The following PATL1 variants were observed in gnomAD, a reference collection of about 807,000 sequenced individuals.
PATL1 encodes PAT1 homolog 1, processing body mRNA decay factor.
Under a neutral mutation model 100.6 loss-of-function variants are expected in PATL1, and 32 were observed. The observed-to-expected ratio is 0.32, with a 90% CI of 0.24 to 0.43. PATL1 has a LOEUF of 0.43. PATL1 is among the 20% of genes least tolerant of loss of function. The probability of loss-of-function intolerance (pLI) is 1.00; values close to 1 mark genes in which losing one functional copy is unlikely to be tolerated. For missense variants in PATL1, 747 were observed against 949.9 expected, an observed-to-expected ratio of 0.79 and a Z score of 2.81; for synonymous variants, 332 against 330.0, an observed-to-expected ratio of 1.01 and a Z score of -0.07.
chr11:59,653,097 G>GTTTTT, intron 9 of PATL1, 79 bp from the exon 10 acceptor site: 42 of 894,152 alleles, frequency 4.7e-5, no homozygotes, highest in South Asian at 1.5e-4. Context: ...AACCAGGCCA[G>GTTTTT]TTTTTTTTTT....
intron 15 of PATL1, among the ~76,000 whole-genome samples, chr11:59,644,233 TATC>T (rs1483536404): frequency 2.0e-5 from 3 of 152,200 alleles, no homozygotes; most frequent in Non-Finnish European, 2.9e-5. Flanking sequence ...GTTCCTTCTG[TATC>T]ATATCATTTC....
At chr11:59,668,828 G>C in intron 1 of PATL1, 53 bp downstream of exon 1, 5 of 1,151,850 alleles carry the variant, frequency 4.3e-6, no homozygotes, top group South Asian at 4.2e-5. Context: ...GAGAGAGTGA[G>C]GGAGAGGGGC....
At chr11:59,649,199 C>T (rs2134745117) in intron 14 of PATL1, among the ~76,000 whole-genome samples, 1 of 152,326 alleles carries the variant, frequency 6.6e-6, no homozygotes, top group Admixed American at 6.5e-5. Context: ...CCCACTATAT[C>T]TCTAGTGCCT....
intron 2 of PATL1, among the ~76,000 whole-genome samples, chr11:59,662,108 A>T (rs1861634062): frequency 6.6e-6 from 1 of 152,226 alleles, no homozygotes; most frequent in South Asian, 2.1e-4. Context: ...AATACTAGTG[A>T]TCCAAAGAGT....
chr11:59,641,682 G>T (rs901923235), intron 16 of PATL1, among the ~76,000 whole-genome samples: 2 of 151,518 alleles, frequency 1.3e-5, no homozygotes, highest in African/African-American at 4.9e-5. Flanking sequence ...GAGCCCAGGA[G>T]GCAGAGGTTG....
chr11:59,654,533 A>G (rs1211820140), intron 8 of PATL1, among the ~76,000 whole-genome samples: 4 of 151,130 alleles, frequency 2.6e-5, no homozygotes, highest in Non-Finnish European at 1.5e-5. Context: ...GAGACCTTTT[A>G]GAAGCAAAAG....
Position 59,656,052 on chromosome 11 carries a change from TAAAAAAA to T in PATL1, c.724-14_724-8del, listed in dbSNP as rs750390194. 173 of 766,760 alleles carry T rather than the reference TAAAAAAA, an allele frequency of 2.3e-4. No homozygotes were observed. Among genetic ancestry groups the T allele is most frequent in the Middle Eastern group, 8.5e-4 (2 of 2,366 alleles). The allele number at this position is 766,760 out of a possible 1,614,324, so 47.5% of individuals were successfully genotyped here. The stretch of plus-strand genomic sequence containing the variant: ...GACCCAGGAGGGAAGAGTTCTAAGG[TAAAAAAA>T]AAAAAAAAAAAAAGAATATGCTATA... On this transcript the variant is annotated splice_polypyrimidine_tract_variant and splice_region_variant and intron_variant, in intron 6 of 18. Coordinates refer to ENST00000300146, the MANE Select transcript of PATL1 (RefSeq NM_152716.3).
chr11:59,652,322 T>C, intron 11 of PATL1, 142 bp downstream of exon 11: 1 of 1,234,294 alleles, frequency 8.1e-7, no homozygotes, highest in South Asian at 2.0e-5. Flanking sequence ...GATTTTTGCA[T>C]TTATTAAGAA....
intron 1 of PATL1, among the ~76,000 whole-genome samples, chr11:59,668,084 G>A (rs1355083034): frequency 6.6e-6 from 1 of 152,210 alleles, no homozygotes; most frequent in Non-Finnish European, 1.5e-5. Context: ...ACTTCCAGCA[G>A]TACTCCCTTC....
rs1861558895 is a variant in PATL1 at position 59,657,849 on chromosome 11, T to C, written c.427-125A>G. ...TTTTTATTTATTTTTAATTCACATA[T>C]AGTAAAATTCACTTTTTGGTATATG... On this transcript the variant is annotated intron_variant, in intron 4 of 18. Coordinates refer to ENST00000300146, the MANE Select transcript of PATL1 (RefSeq NM_152716.3). 3.1e-5 allele frequency: 25 copies of C among 795,922 alleles called. No individual in the cohort carries two copies. The East Asian group carries it at 6.2e-4, about 20-fold the overall frequency. 49.3% of individuals were successfully genotyped at this position (795,922 alleles called of 1,614,324 possible).
intron 9 of PATL1, among the ~76,000 whole-genome samples, chr11:59,653,753 A>G (rs1204201195): frequency 6.6e-6 from 1 of 152,172 alleles, no homozygotes; most frequent in East Asian, 1.9e-4. Flanking sequence ...AATATTACAC[A>G]GTATTATTCC....
intron 14 of PATL1, 131 bp from the exon 15 acceptor site, chr11:59,648,044 A>G (rs1022960396): frequency 6.4e-6 from 4 of 622,972 alleles, no homozygotes; most frequent in African/African-American, 5.6e-5. Context: ...ACTATAAAAC[A>G]GTAGGAATCA....
At chr11:59,657,943 C>A (rs1861560747) in intron 4 of PATL1, among the ~76,000 whole-genome samples, 1 of 151,960 alleles carries the variant, frequency 6.6e-6, no homozygotes, top group African/African-American at 2.4e-5. Context: ...GTGGGAGGAT[C>A]ACTTGAAGCC....
Position 59,652,918 on chromosome 11 carries a change from G to A in PATL1, c.1222C>T (p.Arg408Trp), listed in dbSNP as rs541820983. 46 of 1,613,864 alleles carry A rather than the reference G, an allele frequency of 2.9e-5. 1 individual carries two copies. In the South Asian group the frequency reaches 3.1e-4, roughly 11 times the overall value. ...KDPYANLMLQ[R>W]EKDWVSKIQM... ...ATTTTAGAGACCCAATCCTTTTCCC[G>A]CTGCAACATGAGATTGGCATATGGA... Residue 408 changes from arginine to tryptophan, a missense_variant, in exon 10 of 19, where the codon CGG (arginine) becomes TGG (tryptophan). Physicochemically the swap from Arg to Trp is moderately radical, Grantham distance 101 (BLOSUM62 -3). This residue lies in a region of PATL1 where 434 missense variants were observed against 596.1 expected (regional missense o/e 0.73). Transcript: ENST00000300146.
intron 15 of PATL1, among the ~76,000 whole-genome samples, chr11:59,647,235 A>AC (rs535198496): frequency 0.044 from 6,595 of 150,932 alleles, 354 homozygotes; most frequent in Admixed American, 0.12. Flanking sequence ...AAAAAAAAAA[A>AC]AAAAAAAAAC....
Position 59,653,086 on chromosome 11 carries a change from A to G in PATL1, c.1122-68T>C, listed in dbSNP as rs149412955. 3,693 of 1,374,068 alleles carry G rather than the reference A, an allele frequency of 2.7e-3. 106 individuals carry two copies. In the East Asian group the frequency reaches 0.065, roughly 24 times the overall value. The allele number at this position is 1,374,068 out of a possible 1,614,324, so 85.1% of individuals were successfully genotyped here. On this transcript the variant is annotated intron_variant, in intron 9 of 18. Coordinates refer to ENST00000300146, the MANE Select transcript of PATL1 (RefSeq NM_152716.3). ...TTACGCTTTTTAACAACAGAGGAAT[A>G]AACCAGGCCAGTTTTTTTTTTTTTT... is the stretch of plus-strand genomic sequence containing the variant.
chr11:59,650,321 T>A (rs1156454983), intron 13 of PATL1, among the ~76,000 whole-genome samples: 1 of 152,214 alleles, frequency 6.6e-6, no homozygotes, highest in East Asian at 1.9e-4. Context: ...GTGTATGGCC[T>A]TACAATGTGG....
intron 2 of PATL1, among the ~76,000 whole-genome samples, chr11:59,660,541 G>T (rs1861612940): frequency 6.6e-6 from 1 of 152,188 alleles, no homozygotes. Flanking sequence ...TCTGGGAGAA[G>T]AGGGTTCCAG....
At chr11:59,653,907 C>G in intron 9 of PATL1, 76 bp downstream of exon 9, 1 of 1,322,720 alleles carries the variant, frequency 7.6e-7, no homozygotes, top group Non-Finnish European at 1.1e-6. Context: ...AACAAAACAA[C>G]TAAATAGCAT....
Sources: gnomAD v4.1 joint callset for allele counts (sites outside exome capture counted in the v4.1 genomes callset) on GRCh38, gnomAD v4.1.1 for gene constraint, gnomAD v4.1.1 regional missense constraint, MANE v1.5 for transcripts, NCBI Gene and HGNC (gene_info 2026-07-23, HGNC 2026-07-21) for gene names.